Variants in SFSWAP observed in about 807,000 individuals in gnomAD.
SFSWAP encodes splicing factor SWAP.
A neutral mutation model predicts 100.7 loss-of-function variants in SFSWAP; 17 were observed. That is an observed-to-expected ratio of 0.17 (90% CI 0.12 to 0.25). The LOEUF (loss-of-function observed/expected upper bound fraction) is 0.25. SFSWAP is among the 10% of genes least tolerant of loss of function. The pLI is 1.00. For missense variants in SFSWAP, 1,005 were observed against 1,262.6 expected, an observed-to-expected ratio of 0.80 and a Z score of 3.09; for synonymous variants, 504 against 510.1, an observed-to-expected ratio of 0.99 and a Z score of 0.16.
chr12:131,719,944 T>TG (rs1566003297), intron 4 of SFSWAP, among the ~76,000 whole-genome samples: 1 of 152,196 alleles, frequency 6.6e-6, no homozygotes, highest in Non-Finnish European at 1.5e-5. Flanking sequence ...GTGTGATTTT[T>TG]GGGGTCACTT....
intron 13 of SFSWAP, among the ~76,000 whole-genome samples, chr12:131,771,121 C>T (rs1423883946): frequency 6.6e-6 from 1 of 152,152 alleles, no homozygotes; most frequent in Non-Finnish European, 1.5e-5. Context: ...AAACTCAATT[C>T]GATTCATGTA....
In SFSWAP at chr12:131,765,374, C is replaced by T. The variant is rs535197056; in HGVS notation, c.1951+688C>T. Among the ~76,000 whole-genome samples the T allele has an allele frequency of 5.3e-5, 8 of 152,314 alleles. No individual in the cohort carries two copies. In the South Asian group the frequency reaches 1.4e-3, roughly 28 times the overall value. ...GAAAGAGGCCAATTTTCAGGCCAGG[C>T]GCGGTAGCTCATGCCTGTAATCCCA... On this transcript the variant is annotated intron_variant, in intron 12 of 17. Transcript: ENST00000261674.
rs1249683654 is a variant in SFSWAP at position 131,778,815 on chromosome 12, C to T, written c.2408+485C>T. On this transcript the variant is annotated intron_variant, in intron 14 of 17. Transcript: ENST00000261674. The surrounding 1 kb of genome is among the most constrained non-coding windows in gnomAD (Gnocchi z 4.2). ...TTACAGGCCTAAGCCACCGCGCAGG[C>T]CTATACTTAACTTTTCAAAGTTCAT... 6.6e-6 allele frequency among the ~76,000 whole-genome samples: 1 copy of T among 151,984 alleles called. No homozygotes were observed. The highest frequency in any genetic ancestry group is 1.5e-5 in the Non-Finnish European group (1 of 68,004).
intron 14 of SFSWAP, among the ~76,000 whole-genome samples, chr12:131,782,150 C>CAAG (rs1041635721): frequency 4.6e-5 from 7 of 152,160 alleles, no homozygotes; most frequent in African/African-American, 1.7e-4. Context: ...GACAAAAGAA[C>CAAG]AAGAAGAAGA....
Position 131,764,635 on chromosome 12 carries a change from G to A in SFSWAP, c.1900G>A (p.Val634Ile). 6.2e-7 allele frequency: 1 copy of A among 1,614,212 alleles called. No homozygotes were observed. The highest frequency in any genetic ancestry group is 8.5e-7 in the Non-Finnish European group (1 of 1,180,032). Residue 634 changes from valine (V) to isoleucine (I), a missense_variant, in exon 12 of 18, where the codon GTT (valine) becomes ATT (isoleucine). Coordinates refer to ENST00000261674, the MANE Select transcript of SFSWAP (RefSeq NM_004592.4). ...NPAVAPPCVV[V>I]EEKKPQLTQE... The stretch of plus-strand genomic sequence containing the variant: ...AGCAGTTGCCCCACCCTGTGTAGTT[G>A]TTGAGGAGAAGAAGCCTCAACTTAC...
At chr12:131,738,155 T>A (rs1418113949) in intron 7 of SFSWAP, among the ~76,000 whole-genome samples, 1 of 152,244 alleles carries the variant, frequency 6.6e-6, no homozygotes, top group African/African-American at 2.4e-5. Context: ...ATTTTCTTGC[T>A]TCTATCCCTG....
intron 7 of SFSWAP, among the ~76,000 whole-genome samples, chr12:131,746,673 A>T (rs1242466374): frequency 6.6e-6 from 1 of 152,196 alleles, no homozygotes; most frequent in Non-Finnish European, 1.5e-5. Flanking sequence ...AAATTCTTGG[A>T]TATCTGAAAA....
In SFSWAP at chr12:131,797,059, G is replaced by A. The variant is rs372983714; in HGVS notation, c.2535-119G>A. 19 of 813,360 alleles carry A rather than the reference G, an allele frequency of 2.3e-5. 1 individual carries two copies. Among genetic ancestry groups the A allele is most frequent in the East Asian group, 1.7e-4 (7 of 40,966 alleles). 50.4% of individuals were successfully genotyped at this position (813,360 alleles called of 1,614,324 possible). A position where few individuals can be genotyped will look rare whatever the true frequency, so the allele number is the denominator to read the frequency against. On this transcript the variant is annotated intron_variant, in intron 15 of 17. Transcript: ENST00000261674. ...AAGTTAATGGGTTTGGAGTGGTTCC[G>A]TCCCTGAATTGTGCCTTGATGAACT... is the stretch of plus-strand genomic sequence containing the variant.
chr12:131,739,434 A>G lies in SFSWAP; in HGVS notation c.1081+11006A>G, dbSNP rs560582929. On this transcript the variant is annotated intron_variant, in intron 7 of 17. Transcript: ENST00000261674. ...TATTTAAGAGTGAGTAGGACAGTCA[A>G]TATACTATATTTATGACTTTGGTTC... Among the ~76,000 whole-genome samples, 38 of 152,114 alleles carry G rather than the reference A, an allele frequency of 2.5e-4. No homozygotes were observed. The South Asian group carries it at 5.8e-3, about 23-fold the overall frequency.
intron 13 of SFSWAP, among the ~76,000 whole-genome samples, chr12:131,775,957 C>T (rs2136251733): frequency 6.6e-6 from 1 of 151,436 alleles, no homozygotes; most frequent in South Asian, 2.1e-4. Context: ...AAAAAATTAG[C>T]TGAGCATGAT....
At chr12:131,717,437 A>G (rs1878029384) in intron 3 of SFSWAP, among the ~76,000 whole-genome samples, 1 of 152,106 alleles carries the variant, frequency 6.6e-6, no homozygotes, top group African/African-American at 2.4e-5. Flanking sequence ...ACAGGCCCTC[A>G]CTGCTATATA....
chr12:131,789,590 C>T lies in SFSWAP; in HGVS notation c.2534+3002C>T, dbSNP rs116550007. On this transcript the variant is annotated intron_variant, in intron 15 of 17. Coordinates refer to ENST00000261674, the MANE Select transcript of SFSWAP (RefSeq NM_004592.4). ...ATGCATAAAATCTGTAGCTCAGTTC[C>T]ACAAGAGCTGACATTTTGCCACATT... 6.5e-3 allele frequency among the ~76,000 whole-genome samples: 995 copies of T among 152,260 alleles called. 14 individuals carry two copies. The highest frequency in any genetic ancestry group is 0.023 in the African/African-American group (948 of 41,554).
intron 13 of SFSWAP, among the ~76,000 whole-genome samples, chr12:131,777,143 CTA>C (rs1214510364): frequency 6.6e-6 from 1 of 152,072 alleles, no homozygotes; most frequent in Non-Finnish European, 1.5e-5. Flanking sequence ...TCCTTAAGAA[CTA>C]TTTTTTTTTA....
rs759918045 is a variant in SFSWAP, at chr12:131,764,617, G to C, written c.1882G>C (p.Ala628Pro). The C allele has an allele frequency of 1.2e-6, 2 of 1,614,214 alleles. No individual in the cohort carries two copies. Among genetic ancestry groups the C allele is most frequent in the African/African-American group, 2.7e-5 (2 of 75,046 alleles). Reference sequence around the variant, plus strand: ...TGCTGCAAACACTAACCCAGCAGTTGCCCCACCCTGTGTAGTTGTTGAGGA... The same window carrying C: ...TGCTGCAAACACTAACCCAGCAGTTCCCCCACCCTGTGTAGTTGTTGAGGA... ...SSAANTNPAV[A>P]PPCVVVEEKK... The change falls in exon 12 of 18, where the codon GCC becomes CCC. Residue 628 changes from alanine to proline, a missense_variant. Physicochemically the swap from Ala to Pro is conservative, Grantham distance 27. Coordinates refer to ENST00000261674, the MANE Select transcript of SFSWAP (RefSeq NM_004592.4).
At position 131,711,377 on chromosome 12, in the gene SFSWAP, C is replaced by T; in HGVS notation, c.148C>T (p.Arg50Trp). 1 of 1,613,970 alleles carries T rather than the reference C, an allele frequency of 6.2e-7. No individual in the cohort carries two copies. ...CTGCAAGCTGTTCCGGGACGACGAG[C>T]GGGCCCTGGCTCAGGAACAGGGACA... is the stretch of plus-strand genomic sequence containing the variant. ...YACKLFRDDE[R>W]ALAQEQGQHL... Residue 50 changes from arginine (R) to tryptophan (W), a missense_variant, in exon 1 of 18, where the codon CGG becomes TGG. Physicochemically the swap from Arg to Trp is moderately radical, Grantham distance 101 (BLOSUM62 -3). This residue lies in a region of SFSWAP where 237 missense variants were observed against 337.0 expected (regional missense o/e 0.70). Transcript: ENST00000261674. This position sits in a 1 kb window ranked among gnomAD's most constrained non-coding sequence, Gnocchi z 4.9.
chr12:131,755,550 T>C (rs1882078037), intron 10 of SFSWAP, 71 bp downstream of exon 10: 2 of 1,023,492 alleles, frequency 2.0e-6, no homozygotes, highest in Non-Finnish European at 3.0e-6. Flanking sequence ...AGAAGTCGCT[T>C]TCTGTTTCTT....
rs562694147 is a variant in SFSWAP at position 131,789,500 on chromosome 12, AC to A, written c.2534+2918del. ...GATCGTGCCTGTGAATAGCCACTGC[AC>A]CCCCCACCTGGGTAACAGAGTGAAA... On this transcript the variant is annotated intron_variant, in intron 15 of 17. Transcript: ENST00000261674. 3.3e-5 allele frequency among the ~76,000 whole-genome samples: 5 copies of A among 152,040 alleles called. No homozygotes were observed. In the East Asian group the frequency reaches 7.7e-4, roughly 24 times the overall value.
At chr12:131,783,171 AC>A (rs1421818651) in intron 14 of SFSWAP, among the ~76,000 whole-genome samples, 1 of 143,972 alleles carries the variant, frequency 6.9e-6, no homozygotes, top group East Asian at 2.0e-4. Flanking sequence ...ATAGAGCAAG[AC>A]TCCGTCTAAA....
At chr12:131,717,673 T>A (rs1441390827) in intron 3 of SFSWAP, among the ~76,000 whole-genome samples, 1 of 152,190 alleles carries the variant, frequency 6.6e-6, no homozygotes, top group South Asian at 2.1e-4. Context: ...GCCTAGACAA[T>A]GTTTTAATCA....
Sources: allele counts gnomAD v4.1 joint callset (sites outside exome capture counted in the v4.1 genomes callset), GRCh38; gene constraint gnomAD v4.1.1; regional missense constraint gnomAD v4.1.1; non-coding constraint Gnocchi (gnomAD v3.1); transcripts MANE v1.5; gene names NCBI Gene and HGNC (gene_info 2026-07-23, HGNC 2026-07-21).